The following ARHGAP6 variants were observed in gnomAD, a reference collection of about 807,000 sequenced individuals.
ARHGAP6 encodes the protein rho GTPase-activating protein 6.
In ARHGAP6, 16 loss-of-function variants were observed where a neutral mutation model predicts 55.7. That is an observed-to-expected ratio of 0.29 (90% CI 0.19 to 0.44). The LOEUF (loss-of-function observed/expected upper bound fraction) is 0.44. Among genes scored for constraint, ARHGAP6 ranks in the 20% least tolerant of loss-of-function variants. The probability of loss-of-function intolerance (pLI) is 1.00; values close to 1 mark genes in which losing one functional copy is unlikely to be tolerated. For synonymous variants in ARHGAP6, 382 were observed against 360.9 expected (o/e 1.06, Z -0.66); for missense variants, 698 against 808.9 (o/e 0.86, Z 1.66).
At chrX:11,272,357 C>A (rs1242873495) in intron 1 of ARHGAP6, among the ~76,000 whole-genome samples, 1 of 110,789 alleles carries the variant, frequency 9.0e-6, no homozygotes, top group East Asian at 2.9e-4. Flanking sequence ...GGTTGAGAAC[C>A]ATTGTAATGG....
At chrX:11,202,047 A>G (rs865792115) in intron 2 of ARHGAP6, among the ~76,000 whole-genome samples, 3 of 26,744 alleles carry the variant, frequency 1.1e-4, no homozygotes, top group African/African-American at 2.8e-4. Flanking sequence ...GTGTGTGTGT[A>G]GCCTGGTCCA....
intron 1 of ARHGAP6, chrX:11,296,687 G>A: frequency 1.0e-6 from 1 of 992,737 alleles, no homozygotes; most frequent in South Asian, 2.0e-5. Context: ...GTGAACAATT[G>A]CATACTGACT....
intron 9 of ARHGAP6, among the ~76,000 whole-genome samples, chrX:11,166,414 G>A (rs2046017746): frequency 8.9e-6 from 1 of 111,977 alleles, no homozygotes; most frequent in South Asian, 3.7e-4. Flanking sequence ...CCCAAGGACT[G>A]TGAAACTGCA....
intron 3 of ARHGAP6, among the ~76,000 whole-genome samples, chrX:11,190,480 T>TATAC (rs1398140938): frequency 3.0e-5 from 3 of 99,534 alleles, no homozygotes; most frequent in Admixed American, 1.1e-4. Context: ...TATATATATA[T>TATAC]ACATATATCT....
intron 1 of ARHGAP6, among the ~76,000 whole-genome samples, chrX:11,629,645 A>T (rs922261327): frequency 2.7e-5 from 3 of 110,561 alleles, no homozygotes; most frequent in African/African-American, 9.9e-5. Context: ...TTATTAAAGC[A>T]CATACTCCCA....
chrX:11,447,117 C>T (rs760484149), intron 1 of ARHGAP6, among the ~76,000 whole-genome samples: 7 of 111,901 alleles, frequency 6.3e-5, no homozygotes, highest in South Asian at 3.7e-4. Context: ...GCGTCAGACA[C>T]GCACTTTCTC....
intron 2 of ARHGAP6, among the ~76,000 whole-genome samples, chrX:11,232,872 A>G (rs1407374969): frequency 1.8e-5 from 2 of 111,489 alleles, no homozygotes; most frequent in Non-Finnish European, 3.8e-5. Context: ...CAAACCCTGT[A>G]TTGTGGCTGT....
intron 1 of ARHGAP6, among the ~76,000 whole-genome samples, chrX:11,591,206 T>A (rs1294998794): frequency 9.2e-6 from 1 of 108,668 alleles, no homozygotes; most frequent in Admixed American, 9.8e-5. Context: ...AAAATAAAAA[T>A]AAATAAAATA....
chrX:11,364,949 G>A (rs2049056923), intron 1 of ARHGAP6, among the ~76,000 whole-genome samples: 1 of 110,675 alleles, frequency 9.0e-6, no homozygotes, highest in African/African-American at 3.3e-5. Context: ...TTAGTCACAT[G>A]ATGACAGTTA....
chrX:11,401,098 G>A (rs1017282483), intron 1 of ARHGAP6, among the ~76,000 whole-genome samples: 6 of 112,008 alleles, frequency 5.4e-5, no homozygotes, highest in African/African-American at 1.9e-4. Context: ...GCTGGTCATG[G>A]TGAACACAAA....
At chrX:11,155,356 G>C (rs1056140503) in intron 10 of ARHGAP6, among the ~76,000 whole-genome samples, 3 of 111,408 alleles carry the variant, frequency 2.7e-5, no homozygotes, top group African/African-American at 9.8e-5. Flanking sequence ...CTGGAGTGCA[G>C]TGGTGCAGTC....
intron 1 of ARHGAP6, among the ~76,000 whole-genome samples, chrX:11,367,014 A>G (rs1323035331): frequency 2.7e-5 from 3 of 111,781 alleles, no homozygotes; most frequent in Non-Finnish European, 5.6e-5. Flanking sequence ...AGGTAGGAGG[A>G]GAAATAATAG....
chrX:11,486,617 C>A (rs1036822291), intron 1 of ARHGAP6, among the ~76,000 whole-genome samples: 1 of 112,138 alleles, frequency 8.9e-6, no homozygotes, highest in African/African-American at 3.2e-5. Context: ...TCAGGCCTTG[C>A]AGGACAGGTA....
At chrX:11,187,818 C>A (rs1602816510) in intron 4 of ARHGAP6, among the ~76,000 whole-genome samples, 1 of 111,631 alleles carries the variant, frequency 9.0e-6, no homozygotes, top group Non-Finnish European at 1.9e-5. Flanking sequence ...CACTTGAATT[C>A]GAAGGTTCAA....
intron 12 of ARHGAP6, 85 bp from the exon 13 acceptor site, chrX:11,139,615 C>G (rs2045592262): frequency 1.0e-6 from 1 of 988,086 alleles, no homozygotes; most frequent in Non-Finnish European, 1.3e-6. Flanking sequence ...TTCCTTCCCA[C>G]TTCTACGACG....
intron 1 of ARHGAP6, among the ~76,000 whole-genome samples, chrX:11,395,888 T>C (rs934185057): frequency 1.8e-5 from 2 of 112,006 alleles, no homozygotes; most frequent in African/African-American, 6.5e-5. Context: ...ATTGTAAGCC[T>C]AAAGAGCAAC....
At chrX:11,202,743 T>G (rs2046647497) in intron 2 of ARHGAP6, among the ~76,000 whole-genome samples, 2 of 86,942 alleles carry the variant, frequency 2.3e-5, no homozygotes, top group African/African-American at 9.6e-5. Context: ...GAGGTTGCAG[T>G]GAGCCAAGAT....
chrX:11,353,819 T>C (rs1201425849), intron 1 of ARHGAP6, among the ~76,000 whole-genome samples: 1 of 110,886 alleles, frequency 9.0e-6, no homozygotes, highest in Admixed American at 9.7e-5. Flanking sequence ...GACCTCATCA[T>C]TGGAAAGGGT....
intron 1 of ARHGAP6, among the ~76,000 whole-genome samples, chrX:11,410,782 G>A (rs992962831): frequency 3.6e-5 from 4 of 110,788 alleles, no homozygotes; most frequent in African/African-American, 6.6e-5. Context: ...TCCGGCTCTC[G>A]CAAGACAGTC....
Sources: allele counts gnomAD v4.1 joint callset (sites outside exome capture counted in the v4.1 genomes callset), GRCh38; gene constraint gnomAD v4.1.1; transcripts MANE v1.5; gene names NCBI Gene and HGNC (gene_info 2026-07-23, HGNC 2026-07-21).